SGMS1: variants seen among roughly 807,000 people sequenced by gnomAD.
The protein encoded by SGMS1 is sphingomyelin synthase 1, also known as phosphatidylcholine:ceramide cholinephosphotransferase 1.
In SGMS1, 13 loss-of-function variants were observed where a neutral mutation model predicts 46.2. That is an observed-to-expected ratio of 0.28 (90% confidence interval 0.18 to 0.45). The LOEUF (loss-of-function observed/expected upper bound fraction) is 0.45. SGMS1 is among the 20% of genes least tolerant of loss of function. The pLI, the probability that SGMS1 is intolerant of heterozygous loss-of-function variation, is 1.00. For synonymous variants in SGMS1, 203 were observed against 187.8 expected, an observed-to-expected ratio of 1.08 and a Z score of -0.66; for missense variants, 324 against 519.9, an observed-to-expected ratio of 0.62 and a Z score of 3.66.
intron 3 of SGMS1, among the ~76,000 whole-genome samples, chr10:50,494,404 T>G (rs1015984914): frequency 8.5e-5 from 13 of 152,148 alleles, no homozygotes; most frequent in African/African-American, 3.1e-4. Flanking sequence ...GTAGACTGGA[T>G]AAAGGAAACG....
upstream of SGMS1, chr10:50,624,817 C>G: frequency 1.0e-6 from 1 of 986,500 alleles, no homozygotes; most frequent in Non-Finnish European, 1.2e-6. Context: ...CTGGCCGGCC[C>G]GCGCCGCACC....
chr10:50,337,585 T>A (rs1847736363), intron 7 of SGMS1, among the ~76,000 whole-genome samples: 1 of 152,216 alleles, frequency 6.6e-6, no homozygotes, highest in Admixed American at 6.5e-5. Flanking sequence ...GAAGAGGAGT[T>A]AAGTAGTTTG....
chr10:50,572,037 G>C (rs1476023063), intron 2 of SGMS1, among the ~76,000 whole-genome samples: 1 of 152,146 alleles, frequency 6.6e-6, no homozygotes, highest in Non-Finnish European at 1.5e-5. Flanking sequence ...TCTTGTAACA[G>C]TTCTGACAAC....
chr10:50,435,965 G>A (rs1163913211), intron 5 of SGMS1, among the ~76,000 whole-genome samples: 7 of 152,298 alleles, frequency 4.6e-5, no homozygotes, highest in Admixed American at 1.3e-4. Flanking sequence ...ACAAGAACAC[G>A]TGTGTCATTA....
intron 2 of SGMS1, among the ~76,000 whole-genome samples, chr10:50,578,444 T>C (rs932227389): frequency 1.3e-5 from 2 of 152,258 alleles, no homozygotes; most frequent in African/African-American, 4.8e-5. Context: ...ATAAGGATTT[T>C]TTTCTACAAT....
intron 6 of SGMS1, among the ~76,000 whole-genome samples, chr10:50,408,292 T>C (rs2133560842): frequency 6.6e-6 from 1 of 152,034 alleles, no homozygotes; most frequent in Non-Finnish European, 1.5e-5. Flanking sequence ...CTTTTATTCA[T>C]TCTAGTCACA....
intron 6 of SGMS1, among the ~76,000 whole-genome samples, chr10:50,401,693 A>G (rs909128507): frequency 2.6e-5 from 4 of 152,246 alleles, no homozygotes; most frequent in Non-Finnish European, 4.4e-5. Flanking sequence ...ATTTGTCACA[A>G]TCAACATTAG....
intron 5 of SGMS1, among the ~76,000 whole-genome samples, chr10:50,457,027 T>C (rs185481182): frequency 6.6e-6 from 1 of 152,344 alleles, no homozygotes; most frequent in Admixed American, 6.5e-5. Context: ...TTATGAAAAC[T>C]AGTGGCAATT....
At chr10:50,384,057 G>A (rs1322792059) in intron 6 of SGMS1, among the ~76,000 whole-genome samples, 1 of 152,136 alleles carries the variant, frequency 6.6e-6, no homozygotes, top group African/African-American at 2.4e-5. Context: ...AGCTGTCCAG[G>A]AGAAGGAGGG....
At chr10:50,385,558 A>C (rs1484789707) in intron 6 of SGMS1, among the ~76,000 whole-genome samples, 1 of 152,210 alleles carries the variant, frequency 6.6e-6, no homozygotes, top group Non-Finnish European at 1.5e-5. Context: ...TATGTTTTAT[A>C]AGTGCTCCAT....
At chr10:50,495,258 T>A (rs1403351453) in intron 3 of SGMS1, among the ~76,000 whole-genome samples, 14 of 98,244 alleles carry the variant, frequency 1.4e-4, no homozygotes, top group Admixed American at 2.2e-4. Context: ...AAAAAAAAAG[T>A]TAAGAAAAAA....
chr10:50,319,243 T>C (rs1356756448), intron 8 of SGMS1, among the ~76,000 whole-genome samples: 1 of 152,090 alleles, frequency 6.6e-6, no homozygotes, highest in Non-Finnish European at 1.5e-5. Context: ...TGAGCACCTG[T>C]AGACACTTCA....
At chr10:50,424,236 T>C (rs1161865608) in intron 6 of SGMS1, among the ~76,000 whole-genome samples, 1 of 152,212 alleles carries the variant, frequency 6.6e-6, no homozygotes, top group African/African-American at 2.4e-5. Flanking sequence ...TAGAGGGCAG[T>C]CACAGTCACT....
intron 6 of SGMS1, among the ~76,000 whole-genome samples, chr10:50,384,363 T>C (rs1232648286): frequency 6.6e-6 from 1 of 151,542 alleles, no homozygotes; most frequent in Non-Finnish European, 1.5e-5. Context: ...TTTTCTAACT[T>C]ACTTTCTTTC....
At chr10:50,615,095 C>G (rs1838784363) in intron 1 of SGMS1, among the ~76,000 whole-genome samples, 1 of 152,200 alleles carries the variant, frequency 6.6e-6, no homozygotes, top group Non-Finnish European at 1.5e-5. Flanking sequence ...ATTCCAGAGC[C>G]CTGAGTGAGG....
chr10:50,370,666 A>G (rs1293141952), intron 6 of SGMS1, among the ~76,000 whole-genome samples: 1 of 151,632 alleles, frequency 6.6e-6, no homozygotes, highest in Non-Finnish European at 1.5e-5. Context: ...ACTTGAACCC[A>G]GGAGGCAACG....
intron 5 of SGMS1, among the ~76,000 whole-genome samples, chr10:50,442,896 T>C (rs1849563423): frequency 6.6e-6 from 1 of 152,234 alleles, no homozygotes; most frequent in Non-Finnish European, 1.5e-5. Flanking sequence ...ATTTTTGCTT[T>C]TGATGAGACT....
chr10:50,624,785 C>T, upstream of SGMS1: 2 of 986,436 alleles, frequency 2.0e-6, no homozygotes, highest in Non-Finnish European at 2.4e-6. Flanking sequence ...AGCTGGCCTT[C>T]CCGCCCCGAT....
At chr10:50,561,047 AT>A (rs1838232218) in intron 2 of SGMS1, among the ~76,000 whole-genome samples, 1 of 152,194 alleles carries the variant, frequency 6.6e-6, no homozygotes, top group African/African-American at 2.4e-5. Context: ...ATTGGCAGAT[AT>A]AAACTTTGGA....
Sources: allele counts gnomAD v4.1 joint callset (sites outside exome capture counted in the v4.1 genomes callset), GRCh38; gene constraint gnomAD v4.1.1; transcripts MANE v1.5; gene names NCBI Gene and HGNC (gene_info 2026-07-23, HGNC 2026-07-21).